DEAF1: variants seen among roughly 807,000 people sequenced by gnomAD.
DEAF1 encodes DEAF1 transcription factor.
Under a neutral mutation model 58.9 loss-of-function variants are expected in DEAF1, and 53 were observed. The observed-to-expected ratio is 0.90, with a 90% confidence interval of 0.72 to 1.13. The LOEUF (loss-of-function observed/expected upper bound fraction) is 1.13. Ranked by LOEUF, DEAF1 falls within the 50% of genes most tolerant of loss-of-function variation. DEAF1 has a pLI of 0.00. For synonymous variants in DEAF1, 385 were observed against 340.4 expected (o/e 1.13, Z -1.44); for missense variants, 685 against 791.4 (o/e 0.87, Z 1.61).
chr11:671,469 A>G (rs1859822210), intron 10 of DEAF1, among the ~76,000 whole-genome samples: 1 of 151,268 alleles, frequency 6.6e-6, no homozygotes, highest in South Asian at 2.1e-4. Context: ...AGATCCTCCC[A>G]CCTCAGCCTC....
chr11:703,883 G>A (rs775811299), intron 1 of DEAF1: 74 of 1,238,878 alleles, frequency 6.0e-5, no homozygotes, highest in Non-Finnish European at 7.0e-5. Flanking sequence ...CGGAGCCTCC[G>A]TCCACTCCAG....
intron 1 of DEAF1, among the ~76,000 whole-genome samples, chr11:692,750 G>T (rs1054198352): frequency 6.6e-6 from 1 of 152,136 alleles, no homozygotes; most frequent in Non-Finnish European, 1.5e-5. Context: ...TACTCGGGAG[G>T]CTGAGGCAGG....
At position 673,159 on chromosome 11, in the gene DEAF1, A is replaced by G; in HGVS notation, c.1503+1377T>C. On this transcript the variant is annotated intron_variant, in intron 10 of 11. Coordinates refer to ENST00000382409, the MANE Select transcript of DEAF1 (RefSeq NM_021008.4). Reference sequence around the variant, plus strand: ...GCGAGACTCCGTCTCAAAAAATAAAATAAAGTAAAATAAAGCAGCAGCTGA... The same window carrying G: ...GCGAGACTCCGTCTCAAAAAATAAAGTAAAGTAAAATAAAGCAGCAGCTGA... Among the ~76,000 whole-genome samples, 2 of 152,320 alleles carry G rather than the reference A, an allele frequency of 1.3e-5. 1 individual carries two copies. Among genetic ancestry groups the G allele is most frequent in the South Asian group, 4.1e-4 (2 of 4,826 alleles).
At chr11:671,135 A>G (rs1442790036) in intron 10 of DEAF1, among the ~76,000 whole-genome samples, 1 of 148,688 alleles carries the variant, frequency 6.7e-6, no homozygotes, top group South Asian at 2.1e-4. Flanking sequence ...TCACCATGTT[A>G]GCCAGGATGG....
intron 11 of DEAF1, among the ~76,000 whole-genome samples, chr11:648,251 G>T (rs10794329): frequency 2.1e-5 from 3 of 144,674 alleles, no homozygotes; most frequent in Non-Finnish European, 4.5e-5. Flanking sequence ...CTGGAGTGCT[G>T]TGGCACGATC....
intron 2 of DEAF1, among the ~76,000 whole-genome samples, chr11:691,119 G>A (rs566162454): frequency 1.3e-5 from 2 of 152,352 alleles, no homozygotes; most frequent in East Asian, 1.9e-4. Context: ...ACAGGATATG[G>A]GGGAGGGAAA....
intron 2 of DEAF1, among the ~76,000 whole-genome samples, chr11:690,425 TTC>T (rs1254603621): frequency 6.6e-6 from 1 of 151,132 alleles, no homozygotes; most frequent in Non-Finnish European, 1.5e-5. Flanking sequence ...TTCACAAGTT[TTC>T]TGTTTGCTGC....
chr11:669,563 G>A (rs1054813246), intron 10 of DEAF1, among the ~76,000 whole-genome samples: 1 of 151,946 alleles, frequency 6.6e-6, no homozygotes, highest in Admixed American at 6.6e-5. Context: ...TTGAACCTGG[G>A]AGGTGGAGGT....
chr11:648,361 ATT>A (rs1169201689), intron 11 of DEAF1, among the ~76,000 whole-genome samples: 1 of 151,636 alleles, frequency 6.6e-6, no homozygotes, highest in African/African-American at 2.4e-5. Context: ...CGCCAAGCTA[ATT>A]TTTTTGTATT....
intron 1 of DEAF1, chr11:706,177 GC>G: frequency 6.6e-6 from 1 of 151,860 alleles, no homozygotes; most frequent in East Asian, 2.0e-4. Context: ...GCCCGGCCCC[GC>G]CGAGCGTCCC....
chr11:688,099 G>A lies in DEAF1; in HGVS notation c.518-42C>T, dbSNP rs761315612. ...GTTTGAAGGTGAGAGGCCGGACACC[G>A]GGAAGCATAGTACACTCTCATCTCA... On this transcript the variant is annotated intron_variant, in intron 3 of 11. Coordinates refer to ENST00000382409, the MANE Select transcript of DEAF1 (RefSeq NM_021008.4). The surrounding 1 kb of genome is among the most constrained non-coding windows in gnomAD (Gnocchi z 4.3). The A allele has an allele frequency of 2.4e-5, 38 of 1,612,068 alleles. 1 individual carries two copies. The Admixed American group carries it at 2.5e-4, about 11-fold the overall frequency.
chr11:702,437 G>A (rs908006815), intron 1 of DEAF1, among the ~76,000 whole-genome samples: 8 of 152,360 alleles, frequency 5.3e-5, no homozygotes, highest in East Asian at 3.9e-4. Flanking sequence ...CTCCCCAAGC[G>A]CGCCGCACAC....
upstream of DEAF1, chr11:695,879 T>G: frequency 1.6e-6 from 2 of 1,221,200 alleles, no homozygotes; most frequent in Non-Finnish European, 2.0e-6. Flanking sequence ...CTTCCGGGCT[T>G]GCAGCGGCGG....
At chr11:678,500 G>T in intron 9 of DEAF1, 194 bp downstream of exon 9, 1 of 746,258 alleles carries the variant, frequency 1.3e-6, no homozygotes, top group Non-Finnish European at 2.2e-6. Context: ...ACACATGAAT[G>T]GACGTGGCTG....
At chr11:661,902 A>G (rs149357288) in intron 10 of DEAF1, among the ~76,000 whole-genome samples, 16 of 152,228 alleles carry the variant, frequency 1.1e-4, no homozygotes, top group African/African-American at 3.9e-4. Flanking sequence ...ACAAATAACA[A>G]TTTAATGGCA....
intron 6 of DEAF1, among the ~76,000 whole-genome samples, chr11:684,544 T>C (rs1213579961): frequency 1.3e-5 from 2 of 152,236 alleles, no homozygotes; most frequent in East Asian, 3.8e-4. Context: ...AGCATTTTTC[T>C]GACATGTTAC....
At chr11:654,158 G>A (rs1281583890) in intron 10 of DEAF1, 107 bp from the exon 11 acceptor site, 1 of 696,428 alleles carries the variant, frequency 1.4e-6, no homozygotes, top group African/African-American at 2.4e-5. Flanking sequence ...TCCCCCCATT[G>A]GACCCCCTTT....
chr11:693,807 A>G (rs757320437), intron 1 of DEAF1, among the ~76,000 whole-genome samples: 3 of 152,212 alleles, frequency 2.0e-5, no homozygotes, highest in Non-Finnish European at 4.4e-5. Flanking sequence ...GTGGCAAGAA[A>G]CTATAAGCAG....
intron 6 of DEAF1, among the ~76,000 whole-genome samples, chr11:683,975 C>A (rs11246263): frequency 1.3e-5 from 2 of 152,196 alleles, no homozygotes; most frequent in African/African-American, 4.8e-5. Flanking sequence ...AGAGTCTCAC[C>A]GACTGGCTTT....
Sources: allele counts gnomAD v4.1 joint callset (sites outside exome capture counted in the v4.1 genomes callset), GRCh38; gene constraint gnomAD v4.1.1; non-coding constraint Gnocchi (gnomAD v3.1); transcripts MANE v1.5; gene names NCBI Gene and HGNC (gene_info 2026-07-23, HGNC 2026-07-21).